The following GRM7 variants were observed in gnomAD, a reference collection of about 807,000 sequenced individuals.
GRM7 encodes the protein metabotropic glutamate receptor 7.
GRM7 carries 35 observed loss-of-function variants against 84.5 expected under a neutral mutation model. The ratio of observed to expected loss-of-function variants is 0.41; its 90% confidence interval spans 0.32 to 0.55. The LOEUF (loss-of-function observed/expected upper bound fraction) is 0.55, where lower values mean the gene tolerates loss of function less well. Among genes scored for constraint, GRM7 ranks in the 20% least tolerant of loss-of-function variants. GRM7 has a pLI of 0.19. For synonymous variants in GRM7, 487 were observed against 455.1 expected (o/e 1.07, Z -0.89); for missense variants, 1,003 against 1,194.6 (o/e 0.84, Z 2.36).
In GRM7 at chr3:7,215,668, A is replaced by AAAATAAAT. The variant is rs71063288; in HGVS notation, c.736+69021_736+69028dup. Among the ~76,000 whole-genome samples the AAAATAAAT allele has an allele frequency of 3.0e-3, 457 of 150,292 alleles. 1 individual carries two copies. The highest frequency in any genetic ancestry group is 0.024 in the Middle Eastern group (7 of 292). On this transcript the variant is annotated intron_variant, in intron 2 of 9. Transcript: ENST00000357716. The stretch of plus-strand genomic sequence containing the variant: ...CGACAGAGCGAGACTCTGTCTCAAA[A>AAAATAAAT]AAATAAATAAATAAATAAATAAATA...
At chr3:7,039,436 G>A (rs1185219468) in intron 1 of GRM7, among the ~76,000 whole-genome samples, 1 of 152,176 alleles carries the variant, frequency 6.6e-6, no homozygotes, top group Non-Finnish European at 1.5e-5. Context: ...GAAGTGCACA[G>A]AGGTAAAAAG....
At chr3:7,540,727 T>C (rs1217991016) in intron 7 of GRM7, among the ~76,000 whole-genome samples, 1 of 152,194 alleles carries the variant, frequency 6.6e-6, no homozygotes, top group Non-Finnish European at 1.5e-5. Context: ...GTGATTTATA[T>C]ATCAATTACA....
chr3:6,888,713 G>A (rs1288094046), intron 1 of GRM7, among the ~76,000 whole-genome samples: 22 of 152,044 alleles, frequency 1.4e-4, no homozygotes, highest in Non-Finnish European at 3.2e-4. Flanking sequence ...TTGGCGATGC[G>A]GGCTGTTTTT....
rs149338332 is a variant in GRM7, at chr3:7,091,920, C to T, written c.520-54532C>T. Among the ~76,000 whole-genome samples the T allele has an allele frequency of 2.6e-5, 4 of 151,530 alleles. No homozygotes were observed. In the East Asian group the frequency reaches 7.8e-4, roughly 30 times the overall value. On this transcript the variant is annotated intron_variant, in intron 1 of 9. Transcript: ENST00000357716. ...GCAATGATCACACTGTAAGGAATCA[C>T]ATGGTATAACTTTGCTGCTTGCAAC... is the stretch of plus-strand genomic sequence containing the variant.
intron 2 of GRM7, among the ~76,000 whole-genome samples, chr3:7,294,310 C>G (rs990596708): frequency 6.6e-6 from 1 of 152,096 alleles, no homozygotes; most frequent in African/African-American, 2.4e-5. Context: ...AATTATACCC[C>G]TTCTGTTGCT....
intron 1 of GRM7, among the ~76,000 whole-genome samples, chr3:6,933,852 ACTTT>A (rs1415281633): frequency 6.6e-6 from 1 of 152,222 alleles, no homozygotes; most frequent in South Asian, 2.1e-4. Flanking sequence ...CAGAATAGTA[ACTTT>A]CTTTCTTTTT....
At chr3:7,389,116 C>T (rs906105946) in intron 4 of GRM7, among the ~76,000 whole-genome samples, 5 of 152,002 alleles carry the variant, frequency 3.3e-5, no homozygotes, top group African/African-American at 9.7e-5. Context: ...TTATCTCTGC[C>T]TTAATTTCCT....
At chr3:7,312,641 A>C (rs547249219) in intron 4 of GRM7, among the ~76,000 whole-genome samples, 1 of 152,268 alleles carries the variant, frequency 6.6e-6, no homozygotes, top group African/African-American at 2.4e-5. Context: ...TTGGTTTAAA[A>C]TGCCAAATGC....
intron 1 of GRM7, among the ~76,000 whole-genome samples, chr3:6,869,150 G>A (rs1695031058): frequency 6.6e-6 from 1 of 152,034 alleles, no homozygotes; most frequent in Non-Finnish European, 1.5e-5. Flanking sequence ...TCTATCAAAG[G>A]AATTATCAGA....
intron 2 of GRM7, among the ~76,000 whole-genome samples, chr3:7,241,566 A>G (rs1697559438): frequency 1.3e-5 from 2 of 152,156 alleles, no homozygotes; most frequent in Non-Finnish European, 2.9e-5. Context: ...CATAAAATCA[A>G]TCAAGATATA....
chr3:7,129,491 G>T (rs1693519580), intron 1 of GRM7, among the ~76,000 whole-genome samples: 1 of 152,178 alleles, frequency 6.6e-6, no homozygotes, highest in Non-Finnish European at 1.5e-5. Context: ...ATCAGTTCTT[G>T]CAACTACGTG....
intron 4 of GRM7, among the ~76,000 whole-genome samples, chr3:7,373,128 A>T (rs1052867276): frequency 1.3e-5 from 2 of 152,160 alleles, no homozygotes; most frequent in Non-Finnish European, 2.9e-5. Flanking sequence ...TACACAGTTC[A>T]AAGGAAAGCT....
chr3:7,737,968 C>T (rs1251207644), intron 9 of GRM7, among the ~76,000 whole-genome samples: 3 of 151,932 alleles, frequency 2.0e-5, no homozygotes, highest in African/African-American at 7.3e-5. Context: ...CTGCCTCAGC[C>T]TCCCGAGTAG....
chr3:7,090,138 C>A (rs1301481885), intron 1 of GRM7, among the ~76,000 whole-genome samples: 2 of 152,054 alleles, frequency 1.3e-5, no homozygotes, highest in Non-Finnish European at 2.9e-5. Context: ...CCACCGTGCC[C>A]AGCCTTAAAT....
rs143469837 is a variant in GRM7, at chr3:7,348,906, A to C, written c.1033+42254A>C. Among the ~76,000 whole-genome samples the C allele has an allele frequency of 4.1e-3, 617 of 152,256 alleles. 8 individuals carry two copies. Among genetic ancestry groups the C allele is most frequent in the African/African-American group, 0.014 (574 of 41,576 alleles). On this transcript the variant is annotated intron_variant, in intron 4 of 9. Coordinates refer to ENST00000357716, the MANE Select transcript of GRM7 (RefSeq NM_000844.4). ...TTCAAAGAGAACATGAATAACATAC[A>C]TGTAATTCTTTAAGCATTGATCAAG...
chr3:7,339,039 T>C (rs993766152), intron 4 of GRM7, among the ~76,000 whole-genome samples: 4 of 152,030 alleles, frequency 2.6e-5, no homozygotes, highest in African/African-American at 9.7e-5. Context: ...AAACCAGAAA[T>C]CATCAAGCCA....
intron 2 of GRM7, among the ~76,000 whole-genome samples, chr3:7,296,215 A>G (rs1351379014): frequency 1.6e-4 from 24 of 152,120 alleles, no homozygotes; most frequent in Admixed American, 1.6e-3. Context: ...ATAATAAATT[A>G]GCCTTTTGTT....
At chr3:6,949,556 G>A (rs1348716744) in intron 1 of GRM7, among the ~76,000 whole-genome samples, 1 of 151,748 alleles carries the variant, frequency 6.6e-6, no homozygotes, top group Non-Finnish European at 1.5e-5. Flanking sequence ...TTCTCGAGGA[G>A]TATCTTTGTG....
At chr3:6,962,130 A>G (rs1407003712) in intron 1 of GRM7, among the ~76,000 whole-genome samples, 2 of 152,202 alleles carry the variant, frequency 1.3e-5, no homozygotes, top group Non-Finnish European at 2.9e-5. Flanking sequence ...TTTTGATACC[A>G]TATGAGCTAG....
Sources: gnomAD v4.1 joint callset for allele counts (sites outside exome capture counted in the v4.1 genomes callset) on GRCh38, gnomAD v4.1.1 for gene constraint, MANE v1.5 for transcripts, NCBI Gene and HGNC (gene_info 2026-07-23, HGNC 2026-07-21) for gene names.